PPP6R1: variants seen among roughly 807,000 people sequenced by gnomAD.
PPP6R1 encodes the protein protein phosphatase 6 regulatory subunit 1.
PPP6R1 carries 39 observed loss-of-function variants against 104.6 expected under a neutral mutation model. The observed-to-expected ratio is 0.37, with a 90% CI of 0.29 to 0.49. PPP6R1 has a LOEUF of 0.49. Ranked by LOEUF, PPP6R1 falls within the 20% of genes least tolerant of loss-of-function variation. The pLI is 0.98. For missense variants in PPP6R1, 1,181 were observed against 1,155.8 expected (o/e 1.02, Z -0.32); for synonymous variants, 549 against 479.0 (o/e 1.15, Z -1.91).
chr19:55,249,883 G>A (rs1255597314), intron 1 of PPP6R1, among the ~76,000 whole-genome samples: 4 of 151,528 alleles, frequency 2.6e-5, no homozygotes, highest in Non-Finnish European at 5.9e-5. Context: ...ATGAGTACCC[G>A]CACCTGCTCG....
chr19:55,231,580 G>T lies in PPP6R1; in HGVS notation c.2377+18C>A. The T allele has an allele frequency of 6.2e-7, 1 of 1,607,936 alleles. No homozygotes were observed. The highest frequency in any genetic ancestry group is 1.7e-5 in the Admixed American group (1 of 59,172). On this transcript the variant is annotated intron_variant, in intron 20 of 23. Coordinates refer to ENST00000412770, the MANE Select transcript of PPP6R1 (RefSeq NM_014931.4). ...CTCTGCCCAGGGCCGCGGGTGGGCA[G>T]GGCAAAGCGGGGCTCACCTGAGGGC...
intron 5 of PPP6R1, among the ~76,000 whole-genome samples, 156 bp downstream of exon 5, chr19:55,244,964 A>G (rs754365626): frequency 2.6e-5 from 4 of 152,060 alleles, no homozygotes; most frequent in African/African-American, 9.7e-5. Flanking sequence ...TCTCAAACTC[A>G]TGGGCTCAAG....
chr19:55,232,243 T>A, intron 17 of PPP6R1, 32 bp from the exon 18 acceptor site: 1 of 1,518,090 alleles, frequency 6.6e-7, no homozygotes, highest in Non-Finnish European at 8.9e-7. Flanking sequence ...CAGCTAGCTG[T>A]GTGGGACAGA....
Position 55,245,478 on chromosome 19 carries a change from G to C in PPP6R1, c.414+14C>G, listed in dbSNP as rs1456185616. The C allele has an allele frequency of 6.2e-7, 1 of 1,609,724 alleles. No homozygotes were observed. The highest frequency in any genetic ancestry group is 8.5e-7 in the Non-Finnish European group (1 of 1,177,970). Reference sequence around the variant, plus strand: ...CCTCAACCCACGGTGGCGCCAGGGTGGGGGCCAGGGCACCTGGTCTGTCTT... The same window carrying C: ...CCTCAACCCACGGTGGCGCCAGGGTCGGGGCCAGGGCACCTGGTCTGTCTT... On this transcript the variant is annotated intron_variant, in intron 3 of 23. Transcript: ENST00000412770. The surrounding 1 kb of genome is among the most constrained non-coding windows in gnomAD (Gnocchi z 6.4).
chr19:55,250,859 C>T (rs1338768290), intron 1 of PPP6R1, among the ~76,000 whole-genome samples: 3 of 152,134 alleles, frequency 2.0e-5, no homozygotes, highest in African/African-American at 7.2e-5. Context: ...GCGACCCCTG[C>T]TCGTTCCCTC....
chr19:55,232,321 G>C (rs1462418481), intron 17 of PPP6R1, 110 bp from the exon 18 acceptor site: 2 of 1,436,818 alleles, frequency 1.4e-6, no homozygotes, highest in African/African-American at 1.4e-5. Flanking sequence ...GGGATGACAG[G>C]CAGGTCACAG....
At chr19:55,253,507 C>T (rs766734894) in intron 1 of PPP6R1, among the ~76,000 whole-genome samples, 5 of 152,316 alleles carry the variant, frequency 3.3e-5, no homozygotes, top group South Asian at 2.1e-4. Context: ...CAGAATGAGA[C>T]GGGAGGGTGC....
At chr19:55,255,901 A>C (rs1460976610) in intron 1 of PPP6R1, 2 of 152,296 alleles carry the variant, frequency 1.3e-5, no homozygotes, top group Non-Finnish European at 2.9e-5. Flanking sequence ...CTGGAACAGC[A>C]TGTGAGCCTC....
intron 5 of PPP6R1, among the ~76,000 whole-genome samples, chr19:55,244,820 C>T (rs1364969075): frequency 6.6e-6 from 1 of 151,846 alleles, no homozygotes; most frequent in African/African-American, 2.4e-5. Context: ...TCATGACTCA[C>T]TATAGCCTTG....
chr19:55,231,242 G>A (rs1351312794), intron 21 of PPP6R1, among the ~76,000 whole-genome samples, 168 bp downstream of exon 21: 1 of 152,172 alleles, frequency 6.6e-6, no homozygotes, highest in Middle Eastern at 3.2e-3. Flanking sequence ...ACTAAGAGAA[G>A]AACCAGCCTA....
At chr19:55,247,221 G>C (rs761656806) in intron 1 of PPP6R1, 112 bp from the exon 2 acceptor site, 1 of 1,126,714 alleles carries the variant, frequency 8.9e-7, no homozygotes, top group South Asian at 1.3e-5. Flanking sequence ...CTCTCCCCAA[G>C]TCCCAGCCCT....
Position 55,245,770 on chromosome 19 carries a change from G to A in PPP6R1, c.228-92C>T. On this transcript the variant is annotated intron_variant, in intron 2 of 23. Transcript: ENST00000412770. The surrounding 1 kb of genome is among the most constrained non-coding windows in gnomAD (Gnocchi z 6.4). ...CACCCTCTTCTCTGCACCGGGCACT[G>A]GGTTTCTGGGAACTGCAGAGACCCC... is the stretch of plus-strand genomic sequence containing the variant. The A allele has an allele frequency of 9.2e-7, 1 of 1,090,738 alleles. No homozygotes were observed. The highest frequency in any genetic ancestry group is 1.5e-5 in the South Asian group (1 of 67,428). 67.6% of individuals were successfully genotyped at this position (1,090,738 alleles called of 1,614,324 possible). A position where few individuals can be genotyped will look rare whatever the true frequency, so the allele number is the denominator to read the frequency against.
At position 55,242,154 on chromosome 19, in the gene PPP6R1, C is replaced by G; in HGVS notation, c.845+12G>C. 1 of 1,608,820 alleles carries G rather than the reference C, an allele frequency of 6.2e-7. No homozygotes were observed. Among genetic ancestry groups the G allele is most frequent in the South Asian group, 1.1e-5 (1 of 91,038 alleles). ...TGGGCAGCATGCATGGTCTGTGGCC[C>G]GTATCCCTCACCTCGGCCTCCTGGG... On this transcript the variant is annotated intron_variant, in intron 7 of 23. Coordinates refer to ENST00000412770, the MANE Select transcript of PPP6R1 (RefSeq NM_014931.4).
Position 55,242,233 on chromosome 19 carries a change from G to C in PPP6R1, c.778C>G (p.Gln260Glu). Residue 260 changes from glutamine to glutamate, a missense_variant, in exon 7 of 24, where the codon CAG (glutamine) becomes GAG (glutamate). Coordinates refer to ENST00000412770, the MANE Select transcript of PPP6R1 (RefSeq NM_014931.4). ...CCACTGACGATGACAGACTGGCTCTGCTCCCCCTCGAACATGTTGCTTAAG... is the reference window on the plus strand; with the variant it reads ...CCACTGACGATGACAGACTGGCTCTCCTCCCCCTCGAACATGTTGCTTAAG... ...QLLSNMFEGE[Q>E]SQSVIVSGIQ... 1.2e-6 allele frequency: 2 copies of C among 1,613,918 alleles called. No homozygotes were observed. Among genetic ancestry groups the C allele is most frequent in the Non-Finnish European group, 1.7e-6 (2 of 1,179,888 alleles).
chr19:55,235,977 T>C (rs1238060337), intron 17 of PPP6R1, among the ~76,000 whole-genome samples: 1 of 151,188 alleles, frequency 6.6e-6, no homozygotes, highest in Non-Finnish European at 1.5e-5. Context: ...TAGCTGGGAC[T>C]ACAGGCACAC....
chr19:55,230,415 G>T lies in PPP6R1; in HGVS notation c.*113C>A. 3.4e-6 allele frequency: 5 copies of T among 1,474,806 alleles called. No homozygotes were observed. The highest frequency in any genetic ancestry group is 4.7e-6 in the Non-Finnish European group (5 of 1,074,238). The allele number at this position is 1,474,806 out of a possible 1,614,324, so 91.4% of individuals were successfully genotyped here. On this transcript the variant is annotated 3_prime_UTR_variant, in exon 24 of 24. Transcript: ENST00000412770. The stretch of plus-strand genomic sequence containing the variant: ...CCTGGGGGTCCAGAGGAGAGAATGT[G>T]GGGGTGTCAGGGTGATGAGGGCAAT...
Position 55,230,066 on chromosome 19 carries a change from G to C in PPP6R1, c.*462C>G, listed in dbSNP as rs2087325355. On this transcript the variant is annotated 3_prime_UTR_variant, in exon 24 of 24. Transcript: ENST00000412770. ...CTGGGCCGTCCCCCATGGTGGACCT[G>C]AGCTAAAAGGCCGGGTGTGGGCGTG... is the stretch of plus-strand genomic sequence containing the variant. 1 of 159,278 alleles carries C rather than the reference G, an allele frequency of 6.3e-6. No individual in the cohort carries two copies. Among genetic ancestry groups the C allele is most frequent in the African/African-American group, 2.4e-5 (1 of 41,546 alleles). The allele number at this position is 159,278 out of a possible 1,614,324, so 9.9% of individuals were successfully genotyped here. A position where few individuals can be genotyped will look rare whatever the true frequency, so the allele number is the denominator to read the frequency against.
rs1005617488 is a variant in PPP6R1, at chr19:55,252,692, G to A, written c.-6-5583C>T. On this transcript the variant is annotated intron_variant, in intron 1 of 23. Coordinates refer to ENST00000412770, the MANE Select transcript of PPP6R1 (RefSeq NM_014931.4). ...TGGGATTACAGGCATGAATCACCAC[G>A]CCCGGCCTAATTTTTGCATTTTTTT... 7.2e-5 allele frequency among the ~76,000 whole-genome samples: 11 copies of A among 151,988 alleles called. No homozygotes were observed. In the East Asian group the frequency reaches 7.7e-4, roughly 11 times the overall value.
intron 15 of PPP6R1, among the ~76,000 whole-genome samples, chr19:55,237,434 C>G (rs1035361030): frequency 6.6e-5 from 10 of 152,146 alleles, no homozygotes; most frequent in African/African-American, 2.4e-4. Context: ...CGGTCCGCGG[C>G]TGAAATTCTA....
Sources: gnomAD v4.1 joint callset for allele counts (sites outside exome capture counted in the v4.1 genomes callset) on GRCh38, gnomAD v4.1.1 for gene constraint, Gnocchi (gnomAD v3.1) non-coding constraint, MANE v1.5 for transcripts, NCBI Gene and HGNC (gene_info 2026-07-23, HGNC 2026-07-21) for gene names.